ARHGEF2: variants seen among roughly 807,000 people sequenced by gnomAD.
The protein encoded by ARHGEF2 is rho guanine nucleotide exchange factor 2.
Under a neutral mutation model 121.0 loss-of-function variants are expected in ARHGEF2, and 22 were observed. The ratio of observed to expected loss-of-function variants is 0.18; its 90% CI spans 0.13 to 0.26. The LOEUF is 0.26. Ranked by LOEUF, ARHGEF2 falls within the 10% of genes least tolerant of loss-of-function variation. ARHGEF2 has a pLI of 1.00. For synonymous variants in ARHGEF2, 487 were observed against 530.0 expected (o/e 0.92, Z 1.11); for missense variants, 907 against 1,336.0 (o/e 0.68, Z 5.01).
chr1:155,978,637 G>T, upstream of ARHGEF2: 1 of 1,221,964 alleles, frequency 8.2e-7, no homozygotes, highest in Non-Finnish European at 1.0e-6. The surrounding 1 kb of genome is among the most constrained non-coding windows in gnomAD (Gnocchi z 4.1). Flanking sequence ...CGGAGGGAGG[G>T]CGGGGTGCCC....
At chr1:155,954,282 CTTTT>C (rs544870775) in intron 14 of ARHGEF2, among the ~76,000 whole-genome samples, 1 of 108,486 alleles carries the variant, frequency 9.2e-6, no homozygotes. Flanking sequence ...CAATCTACTT[CTTTT>C]TTTTTTTTTT....
intron 1 of ARHGEF2, chr1:155,971,132 A>G: frequency 1.0e-6 from 1 of 984,630 alleles, no homozygotes. Flanking sequence ...AGGCTTATTC[A>G]GGAAGCTGAG....
intron 1 of ARHGEF2, chr1:155,969,820 A>C (rs1680127955): frequency 2.0e-6 from 2 of 986,614 alleles, no homozygotes; most frequent in African/African-American, 3.5e-5. Flanking sequence ...GGGGCAGGAG[A>C]TCCCCTTATT....
At chr1:155,967,699 A>G (rs1233038855) in intron 2 of ARHGEF2, among the ~76,000 whole-genome samples, 4 of 152,038 alleles carry the variant, frequency 2.6e-5, no homozygotes, top group African/African-American at 7.3e-5. Context: ...CTTCTCCGCC[A>G]TCCTCCACCC....
rs1331765957 is a variant in ARHGEF2, at chr1:155,951,070, C to T, written c.2462G>A (p.Cys821Tyr). Reference sequence around the variant, plus strand: ...TGCCCGTTCTTCACCTAGCCGCCGGCAGCGCCGTAGCTCCTCCTGCAGCAG... The same window carrying T: ...TGCCCGTTCTTCACCTAGCCGCCGGTAGCGCCGTAGCTCCTCCTGCAGCAG... ...HALLQEELRRCRRLGEERATE... is the reference protein window; with the variant it reads ...HALLQEELRRYRRLGEERATE... The change falls in exon 20 of 22, where the codon TGC becomes TAC. Residue 821 changes from cysteine to tyrosine, a missense_variant. Transcript: ENST00000361247. The surrounding 1 kb of genome is among the most constrained non-coding windows in gnomAD (Gnocchi z 5.1). 1 of 1,600,070 alleles carries T rather than the reference C, an allele frequency of 6.2e-7. No individual in the cohort carries two copies. Among genetic ancestry groups the T allele is most frequent in the East Asian group, 2.3e-5 (1 of 44,256 alleles).
intron 2 of ARHGEF2, among the ~76,000 whole-genome samples, chr1:155,967,223 C>A (rs1017152783): frequency 6.6e-6 from 1 of 152,124 alleles, no homozygotes; most frequent in East Asian, 1.9e-4. Context: ...AAGGTGGTTG[C>A]GAATGGCAGA....
Position 155,950,123 on chromosome 1 carries a change from C to T in ARHGEF2, c.2887+176G>A. The T allele has an allele frequency of 2.8e-6, 2 of 725,412 alleles. No individual in the cohort carries two copies. Among genetic ancestry groups the T allele is most frequent in the South Asian group, 1.8e-5 (1 of 54,600 alleles). The allele number at this position is 725,412 out of a possible 1,614,324, so 44.9% of individuals were successfully genotyped here. On this transcript the variant is annotated intron_variant, in intron 21 of 21. Transcript: ENST00000361247. This position sits in a 1 kb window ranked among gnomAD's most constrained non-coding sequence, Gnocchi z 5.2. ...TCACCAACCAGTTGGAGGAGAGAGG[C>T]CCCTCCTGCTTCCTAGACTTCCACC...
chr1:155,951,816 A>G lies in ARHGEF2; in HGVS notation c.2173-40T>C. 6.2e-7 allele frequency: 1 copy of G among 1,613,586 alleles called. No homozygotes were observed. Among genetic ancestry groups the G allele is most frequent in the Non-Finnish European group, 8.5e-7 (1 of 1,179,978 alleles). On this transcript the variant is annotated intron_variant, in intron 17 of 21. Transcript: ENST00000361247. The surrounding 1 kb of genome is among the most constrained non-coding windows in gnomAD (Gnocchi z 5.1). ...AAGAATGGGGAGTCAGCAGGCACAC[A>G]AATCCTGGGTGCCTGCCCCTGACAG...
rs754651719 is a variant in ARHGEF2, at chr1:155,950,387, G to A, written c.2799C>T (p.Pro933=). The A allele has an allele frequency of 7.4e-6, 12 of 1,614,004 alleles. No homozygotes were observed. Among genetic ancestry groups the A allele is most frequent in the South Asian group, 1.1e-5 (1 of 91,084 alleles). ...CACTGCTGTCTTGCAGCCGCTCTTCGGGGCTCCCCAGTTCCTGCCTCTCTC... is the reference window on the plus strand; with the variant it reads ...CACTGCTGTCTTGCAGCCGCTCTTCAGGGCTCCCCAGTTCCTGCCTCTCTC... The part of the protein sequence containing the change: ...EDRERQELGS[P]EERLQDSSDP... The change falls in exon 21 of 22, where the codon CCC becomes CCT. Residue 933 remains proline (P), a synonymous_variant. Transcript: ENST00000361247. The surrounding 1 kb of genome is among the most constrained non-coding windows in gnomAD (Gnocchi z 5.2).
intron 1 of ARHGEF2, chr1:155,970,001 C>G: frequency 1.0e-6 from 1 of 985,416 alleles, no homozygotes; most frequent in Non-Finnish European, 1.2e-6. Context: ...GCCTTTGGGT[C>G]ACTCTTCCAC....
chr1:155,979,018 C>A (rs12742600), upstream of ARHGEF2: 1 of 985,628 alleles, frequency 1.0e-6, no homozygotes, highest in Non-Finnish European at 1.2e-6. Flanking sequence ...CAAAGCAGGC[C>A]TGAGCAGACT....
In ARHGEF2 at chr1:155,962,894, C is replaced by T; in HGVS notation, c.975+39G>A. ...GAAATGCCCAACCCAGTCACACCTC[C>T]TTCCATGAATGTCACCCAGGGGTCC... On this transcript the variant is annotated intron_variant, in intron 8 of 21. Coordinates refer to ENST00000361247, the MANE Select transcript of ARHGEF2 (RefSeq NM_001162383.2). This position sits in a 1 kb window ranked among gnomAD's most constrained non-coding sequence, Gnocchi z 5.8. The T allele has an allele frequency of 1.2e-6, 2 of 1,612,186 alleles. No homozygotes were observed. The highest frequency in any genetic ancestry group is 1.7e-6 in the Non-Finnish European group (2 of 1,178,434).
At chr1:155,977,151 G>A (rs1681439750) in intron 1 of ARHGEF2, among the ~76,000 whole-genome samples, 1 of 152,068 alleles carries the variant, frequency 6.6e-6, no homozygotes, top group Non-Finnish European at 1.5e-5. Flanking sequence ...CAGGGTAGTA[G>A]GGCACTCAGG....
intron 2 of ARHGEF2, 101 bp downstream of exon 2, chr1:155,969,055 G>A: frequency 6.8e-7 from 1 of 1,468,642 alleles, no homozygotes; most frequent in Non-Finnish European, 9.4e-7. Context: ...GGGGATCAGA[G>A]AGAAGAGTGA....
In ARHGEF2 at chr1:155,965,700, A is replaced by T; in HGVS notation, c.401T>A (p.Leu134His). 6.2e-7 allele frequency: 1 copy of T among 1,608,050 alleles called. No homozygotes were observed. ...GGAGCGGCCACGGCGGGAGCCCAGG[A>T]GGGACTGCCGGAAGCTGTCGGAGGG... ...IYPSDSFRQS[L>H]LGSRRGRSSL... Residue 134 changes from leucine (L) to histidine (H), a missense_variant, in exon 5 of 22, where the codon CTC (leucine) becomes CAC (histidine). Physicochemically the swap from Leu to His is moderately conservative, Grantham distance 99 (BLOSUM62 -3). Transcript: ENST00000361247. This position sits in a 1 kb window ranked among gnomAD's most constrained non-coding sequence, Gnocchi z 6.0.
At chr1:155,959,092 T>C (rs1477207658) in intron 11 of ARHGEF2, among the ~76,000 whole-genome samples, 1 of 152,184 alleles carries the variant, frequency 6.6e-6, no homozygotes, top group Non-Finnish European at 1.5e-5. Flanking sequence ...TCAGTGGCTC[T>C]GTAAACCTTC....
Position 155,950,218 on chromosome 1 carries a change from G to T in ARHGEF2, c.2887+81C>A. 2 of 1,528,600 alleles carry T rather than the reference G, an allele frequency of 1.3e-6. No individual in the cohort carries two copies. The highest frequency in any genetic ancestry group is 8.9e-7 in the Non-Finnish European group (1 of 1,125,906). The allele number at this position is 1,528,600 out of a possible 1,614,324, so 94.7% of individuals were successfully genotyped here. A position where few individuals can be genotyped will look rare whatever the true frequency, so the allele number is the denominator to read the frequency against. ...ACTACAAGCCTCACAGGTCAGTTAG[G>T]GCCCATTTGGAAGCCACAGCCCAAT... On this transcript the variant is annotated intron_variant, in intron 21 of 21. Coordinates refer to ENST00000361247, the MANE Select transcript of ARHGEF2 (RefSeq NM_001162383.2). The surrounding 1 kb of genome is among the most constrained non-coding windows in gnomAD (Gnocchi z 5.2).
In ARHGEF2 at chr1:155,962,514, C is replaced by T; in HGVS notation, c.1101+79G>A. On this transcript the variant is annotated intron_variant, in intron 9 of 21. Transcript: ENST00000361247. The surrounding 1 kb of genome is among the most constrained non-coding windows in gnomAD (Gnocchi z 5.8). ...CGAATGCCTGACCTCCATGTGGGTG[C>T]AGCTCACAGGCACTACCCCCATGAG... The T allele has an allele frequency of 1.3e-6, 2 of 1,573,418 alleles. No homozygotes were observed. The highest frequency in any genetic ancestry group is 1.7e-6 in the Non-Finnish European group (2 of 1,156,740).
intron 13 of ARHGEF2, 86 bp downstream of exon 13, chr1:155,957,627 T>C (rs1572095470): frequency 1.4e-6 from 2 of 1,444,904 alleles, no homozygotes; most frequent in East Asian, 4.7e-5. Context: ...TGCTGGATTC[T>C]GTTCCCAGGG....
Sources: gnomAD v4.1 joint callset for allele counts (sites outside exome capture counted in the v4.1 genomes callset) on GRCh38, gnomAD v4.1.1 for gene constraint, Gnocchi (gnomAD v3.1) non-coding constraint, MANE v1.5 for transcripts, NCBI Gene and HGNC (gene_info 2026-07-23, HGNC 2026-07-21) for gene names.